CRAMP1: variants seen among roughly 807,000 people sequenced by gnomAD.
CRAMP1 encodes protein cramped-like.
In CRAMP1, 50 loss-of-function variants were observed where a neutral mutation model predicts 115.4. The ratio of observed to expected loss-of-function variants is 0.43; its 90% CI spans 0.35 to 0.55. The LOEUF is 0.55. Ranked by LOEUF, CRAMP1 falls within the 20% of genes least tolerant of loss-of-function variation. CRAMP1 has a pLI of 0.01. For synonymous variants in CRAMP1, 866 were observed against 745.4 expected, an observed-to-expected ratio of 1.16 and a Z score of -2.64; for missense variants, 1,679 against 1,721.7, an observed-to-expected ratio of 0.98 and a Z score of 0.44.
chr16:1,677,563 G>A lies in CRAMP1; in HGVS notation c.*3518G>A, dbSNP rs897139659. The A allele has an allele frequency of 6.6e-6, 1 of 152,640 alleles. No homozygotes were observed. The highest frequency in any genetic ancestry group is 1.5e-5 in the Non-Finnish European group (1 of 68,080). The allele number at this position is 152,640 out of a possible 1,614,324, so 9.5% of individuals were successfully genotyped here. On this transcript the variant is annotated 3_prime_UTR_variant, in exon 21 of 21. Transcript: ENST00000397412. ...ACAGTGGCTGCGTGTCCTTGGGGTG[G>A]GTGAGGTGTGGGGAGCCCAGCCCCT...
intron 13 of CRAMP1, 111 bp downstream of exon 13, chr16:1,662,946 C>A: frequency 1.3e-6 from 1 of 758,304 alleles, no homozygotes; most frequent in Non-Finnish European, 2.2e-6. Flanking sequence ...AAATTCCTGC[C>A]CCTTCCTTCC....
rs1376766700 is a variant in CRAMP1, at chr16:1,674,205, A to G, written c.*160A>G. On this transcript the variant is annotated 3_prime_UTR_variant, in exon 21 of 21. Coordinates refer to ENST00000397412, the MANE Select transcript of CRAMP1 (RefSeq NM_020825.4). Reference sequence around the variant, plus strand: ...AGCTGCTTCCCCACGAGCAGCAGGCAACGGCGTCCAAGGAGACTAGGATGA... The same window carrying G: ...AGCTGCTTCCCCACGAGCAGCAGGCGACGGCGTCCAAGGAGACTAGGATGA... The G allele has an allele frequency of 2.6e-5, 18 of 687,020 alleles. No homozygotes were observed. Among genetic ancestry groups the G allele is most frequent in the Non-Finnish European group, 4.1e-5 (17 of 415,754 alleles). The allele number at this position is 687,020 out of a possible 1,614,324, so 42.6% of individuals were successfully genotyped here. A position where few individuals can be genotyped will look rare whatever the true frequency, so the allele number is the denominator to read the frequency against.
At chr16:1,645,291 A>C in intron 6 of CRAMP1, 1 of 209,222 alleles carries the variant, frequency 4.8e-6, no homozygotes, top group Non-Finnish European at 1.0e-5. Context: ...GGTTTAAGCG[A>C]TTCTCGTGCC....
At chr16:1,627,875 C>G (rs2036519575) in intron 3 of CRAMP1, among the ~76,000 whole-genome samples, 1 of 152,144 alleles carries the variant, frequency 6.6e-6, no homozygotes, top group African/African-American at 2.4e-5. Flanking sequence ...TCAGAATCAG[C>G]AACCATTGCT....
intron 3 of CRAMP1, among the ~76,000 whole-genome samples, chr16:1,627,808 A>G (rs1323074908): frequency 1.3e-5 from 2 of 151,886 alleles, no homozygotes; most frequent in African/African-American, 4.8e-5. Flanking sequence ...TCAAGCCCCA[A>G]ATCGTGCCTT....
Position 1,626,046 on chromosome 16 carries a change from C to T in CRAMP1, c.420C>T (p.Arg140=). 1 of 1,551,648 alleles carries T rather than the reference C, an allele frequency of 6.4e-7. No individual in the cohort carries two copies. The highest frequency in any genetic ancestry group is 8.7e-7 in the Non-Finnish European group (1 of 1,146,948). Residue 140 remains arginine (R), a synonymous_variant, in exon 3 of 21, where the codon CGC becomes CGT. Coordinates refer to ENST00000397412, the MANE Select transcript of CRAMP1 (RefSeq NM_020825.4). ...CTGCTGCCCCTGCAGGGGGCTCGCG[C>T]TCCTCCTCCCGGAACTTAGGGTCTT... The part of the protein sequence containing the change: ...VAPAAPAGGS[R]SSSRNLGSSG...
At chr16:1,665,217 T>C in intron 14 of CRAMP1, 79 bp downstream of exon 14, 2 of 868,980 alleles carry the variant, frequency 2.3e-6, no homozygotes, top group Admixed American at 1.8e-5. Context: ...CAATGGGTGC[T>C]TATTTCCATG....
Position 1,656,554 on chromosome 16 carries a change from G to T in CRAMP1, c.1797G>T (p.Val599=). The T allele has an allele frequency of 1.3e-6, 2 of 1,556,662 alleles. No homozygotes were observed. The highest frequency in any genetic ancestry group is 1.7e-6 in the Non-Finnish European group (2 of 1,150,608). Residue 599 remains valine, a synonymous_variant, in exon 10 of 21, where the codon GTG becomes GTT. Transcript: ENST00000397412. The surrounding 1 kb of genome is among the most constrained non-coding windows in gnomAD (Gnocchi z 5.6). ...TGGGCGGGGCGGCCTCCCCAGAGGT[G>T]CTGGCTCCTGTCAGCAAGGAGGCTG... ...PPLGGAASPE[V]LAPVSKEAAD... is the part of the protein sequence containing the mutation.
chr16:1,660,100 TG>T (rs2036815486), intron 11 of CRAMP1, 37 bp downstream of exon 11: 1 of 1,473,050 alleles, frequency 6.8e-7, no homozygotes. Flanking sequence ...GTGCCTGGGC[TG>T]CCCTGATGGC....
chr16:1,652,148 G>A (rs2036729980), intron 6 of CRAMP1, among the ~76,000 whole-genome samples: 1 of 152,246 alleles, frequency 6.6e-6, no homozygotes, highest in South Asian at 2.1e-4. Flanking sequence ...CTGGGGCAGT[G>A]GAGAGAGGGG....
At chr16:1,637,119 C>G (rs957842391) in intron 4 of CRAMP1, among the ~76,000 whole-genome samples, 2 of 152,068 alleles carry the variant, frequency 1.3e-5, no homozygotes, top group African/African-American at 2.4e-5. Flanking sequence ...ATGGTGAAAC[C>G]CTGTCTCTAC....
intron 2 of CRAMP1, among the ~76,000 whole-genome samples, chr16:1,624,508 G>C (rs960378627): frequency 6.6e-6 from 1 of 152,068 alleles, no homozygotes; most frequent in South Asian, 2.1e-4. Flanking sequence ...CCACTACCTG[G>C]GTTCAAGCAA....
rs372826886 is a variant in CRAMP1, at chr16:1,662,741, C to G, written c.2596-20C>G. Reference sequence around the variant, plus strand: ...GTCTGGAGAGTGCACCTTCAGGTGCCGGACGCTGCTCCCTTACAGATGCAG... The same window carrying G: ...GTCTGGAGAGTGCACCTTCAGGTGCGGGACGCTGCTCCCTTACAGATGCAG... On this transcript the variant is annotated intron_variant, in intron 12 of 20. Coordinates refer to ENST00000397412, the MANE Select transcript of CRAMP1 (RefSeq NM_020825.4). 1 of 1,613,690 alleles carries G rather than the reference C, an allele frequency of 6.2e-7. No homozygotes were observed. The highest frequency in any genetic ancestry group is 2.2e-5 in the East Asian group (1 of 44,876).
Position 1,666,134 on chromosome 16 carries a change from C to G in CRAMP1, c.2814C>G (p.Ile938Met), listed in dbSNP as rs767829841. Reference sequence around the variant, plus strand: ...CCAAAGCAGCTCTGTCTCGGCCGATCGTGCCCAAGGTCCTTCCACCCCAGG... The same window carrying G: ...CCAAAGCAGCTCTGTCTCGGCCGATGGTGCCCAAGGTCCTTCCACCCCAGG... Reference protein sequence around the residue: ...SLTKAALSRPIVPKVLPPQAT... With the variant: ...SLTKAALSRPMVPKVLPPQAT... Residue 938 changes from isoleucine (I) to methionine (M), a missense_variant, in exon 15 of 21, where the codon ATC (isoleucine) becomes ATG (methionine). This residue lies in a region of CRAMP1 where 709 missense variants were observed against 741.9 expected (regional missense o/e 0.96). Coordinates refer to ENST00000397412, the MANE Select transcript of CRAMP1 (RefSeq NM_020825.4). The surrounding 1 kb of genome is among the most constrained non-coding windows in gnomAD (Gnocchi z 5.0). The G allele has an allele frequency of 6.2e-7, 1 of 1,611,206 alleles. No individual in the cohort carries two copies. The highest frequency in any genetic ancestry group is 8.5e-7 in the Non-Finnish European group (1 of 1,178,810).
At chr16:1,662,697 G>T (rs202136282) in intron 12 of CRAMP1, 26 bp downstream of exon 12, 2 of 1,613,736 alleles carry the variant, frequency 1.2e-6, no homozygotes, top group Non-Finnish European at 1.7e-6. Context: ...CGGGCCGCCC[G>T]CGTGCGAGCG....
chr16:1,676,556 G>A lies in CRAMP1; in HGVS notation c.*2511G>A, dbSNP rs776921222. ...CATCTTCTGCCTTTCCAACAGAAGC[G>A]GTGATCGTCTAAGTATGAGCCTGTG... On this transcript the variant is annotated 3_prime_UTR_variant, in exon 21 of 21. Transcript: ENST00000397412. 3.9e-5 allele frequency: 6 copies of A among 152,232 alleles called. No homozygotes were observed. The highest frequency in any genetic ancestry group is 9.7e-5 in the African/African-American group (4 of 41,446). The allele number at this position is 152,232 out of a possible 1,614,324, so 9.4% of individuals were successfully genotyped here. A position where few individuals can be genotyped will look rare whatever the true frequency, so the allele number is the denominator to read the frequency against.
intron 10 of CRAMP1, among the ~76,000 whole-genome samples, chr16:1,657,340 G>A (rs2036785147): frequency 6.6e-6 from 1 of 152,256 alleles, no homozygotes; most frequent in South Asian, 2.1e-4. Context: ...ACGGCCAACA[G>A]GCAGGCAGTA....
chr16:1,646,991 A>C lies in CRAMP1; in HGVS notation c.828-5505A>C, dbSNP rs2036680630. 4.3e-6 allele frequency: 3 copies of C among 702,272 alleles called. No homozygotes were observed. In the East Asian group the frequency reaches 8.0e-5, roughly 19 times the overall value. The allele number at this position is 702,272 out of a possible 1,614,324, so 43.5% of individuals were successfully genotyped here. Reference sequence around the variant, plus strand: ...CCATTCTGGACCTTCTGTTCTGTCAACTTTTGTGACCGTTCTTTGACCAGC... The same window carrying C: ...CCATTCTGGACCTTCTGTTCTGTCACCTTTTGTGACCGTTCTTTGACCAGC... On this transcript the variant is annotated intron_variant, in intron 6 of 20. Transcript: ENST00000397412.
chr16:1,635,275 CAG>C (rs1222355463), intron 4 of CRAMP1, among the ~76,000 whole-genome samples: 11 of 152,204 alleles, frequency 7.2e-5, no homozygotes, highest in Non-Finnish European at 1.5e-4. Flanking sequence ...GCGTGAGACA[CAG>C]AGTGGTGGCA....
Sources: gnomAD v4.1 joint callset for allele counts (sites outside exome capture counted in the v4.1 genomes callset) on GRCh38, gnomAD v4.1.1 for gene constraint, gnomAD v4.1.1 regional missense constraint, Gnocchi (gnomAD v3.1) non-coding constraint, MANE v1.5 for transcripts, NCBI Gene and HGNC (gene_info 2026-07-23, HGNC 2026-07-21) for gene names.